The following ZFHX4 variants were observed in gnomAD, a reference collection of about 807,000 sequenced individuals.
ZFHX4 encodes the protein zinc finger homeobox 4.
A neutral mutation model predicts 267.6 loss-of-function variants in ZFHX4; 56 were observed. That is an observed-to-expected ratio of 0.21 (90% CI 0.17 to 0.26). The LOEUF (loss-of-function observed/expected upper bound fraction) is 0.26. ZFHX4 is among the 10% of genes least tolerant of loss of function. ZFHX4 has a pLI of 1.00. For missense variants in ZFHX4, 4,332 were observed against 4,420.0 expected (o/e 0.98, Z 0.56); for synonymous variants, 1,778 against 1,665.6 (o/e 1.07, Z -1.64).
intron 4 of ZFHX4, among the ~76,000 whole-genome samples, chr8:76,814,418 A>G (rs746844069): frequency 2.0e-5 from 3 of 152,094 alleles, no homozygotes; most frequent in Non-Finnish European, 4.4e-5. Flanking sequence ...TATCTAGGCT[A>G]TTTGTGCAAA....
In ZFHX4 at chr8:76,700,992, C is replaced by T. The variant is rs148119500; in HGVS notation, c.-46-3051C>T. Among the ~76,000 whole-genome samples, 181 of 152,156 alleles carry T rather than the reference C, an allele frequency of 1.2e-3. No homozygotes were observed. The Middle Eastern group carries it at 0.031, about 26-fold the overall frequency. On this transcript the variant is annotated intron_variant, in intron 1 of 10. Coordinates refer to ENST00000651372, the MANE Select transcript of ZFHX4 (RefSeq NM_024721.5). ...ATGGTTGTTTTTGTGGTCTTTTTTACTGGGACTTATAAAACTTTATCGTAA... is the reference window on the plus strand; with the variant it reads ...ATGGTTGTTTTTGTGGTCTTTTTTATTGGGACTTATAAAACTTTATCGTAA...
intron 5 of ZFHX4, among the ~76,000 whole-genome samples, chr8:76,836,322 C>T (rs933382350): frequency 6.6e-6 from 1 of 152,070 alleles, no homozygotes; most frequent in Non-Finnish European, 1.5e-5. Flanking sequence ...TTACTGAGCC[C>T]CAACCCAGAC....
chr8:76,863,549 C>T lies in ZFHX4; in HGVS notation c.9835C>T (p.Pro3279Ser). 2 of 1,613,740 alleles carry T rather than the reference C, an allele frequency of 1.2e-6. No individual in the cohort carries two copies. The highest frequency in any genetic ancestry group is 8.5e-7 in the Non-Finnish European group (1 of 1,179,804). ...GFASYFTPQLPGTVQGGYFPP... is the reference protein window; with the variant it reads ...GFASYFTPQLSGTVQGGYFPP... ...TGCTTCTTATTTTACACCTCAGCTC[C>T]CTGGAACAGTGCAGGGGGGATACTT... The change falls in exon 11 of 11, where the codon CCT becomes TCT. Residue 3279 changes from proline (P) to serine (S), a missense_variant. Around this residue, in one of 7 missense-constraint regions of ZFHX4, gnomAD observed 1,648 missense variants for 1,625.0 expected, o/e 1.01. Coordinates refer to ENST00000651372, the MANE Select transcript of ZFHX4 (RefSeq NM_024721.5).
intron 3 of ZFHX4, among the ~76,000 whole-genome samples, chr8:76,710,614 A>G (rs559859716): frequency 6.6e-6 from 1 of 152,326 alleles, no homozygotes; most frequent in South Asian, 2.1e-4. Flanking sequence ...ATCATTTTGC[A>G]TCATGAATTA....
intron 4 of ZFHX4, among the ~76,000 whole-genome samples, chr8:76,815,724 C>T (rs1269150617): frequency 6.6e-6 from 1 of 152,096 alleles, no homozygotes; most frequent in African/African-American, 2.4e-5. Context: ...TGTTCTTGAA[C>T]TACTGGGCTC....
At position 76,850,230 on chromosome 8, in the gene ZFHX4, C is replaced by G. The variant is rs761153397; in HGVS notation, c.3847-15C>G. 2.5e-6 allele frequency: 4 copies of G among 1,601,418 alleles called. No individual in the cohort carries two copies. Among genetic ancestry groups the G allele is most frequent in the Non-Finnish European group, 3.4e-6 (4 of 1,172,686 alleles). ...TCTGGGGTACATTTAACATAAACCC[C>G]TTTGGTTTCCAAAGGTGCCTGTCCC... On this transcript the variant is annotated splice_polypyrimidine_tract_variant and intron_variant, in intron 8 of 10. Transcript: ENST00000651372.
intron 3 of ZFHX4, among the ~76,000 whole-genome samples, chr8:76,725,222 A>G (rs1378144638): frequency 2.0e-5 from 3 of 152,122 alleles, no homozygotes; most frequent in Non-Finnish European, 4.4e-5. Flanking sequence ...TAAATATGGT[A>G]CACAATCTTA....
At chr8:76,766,037 C>T (rs1372038911) in intron 3 of ZFHX4, among the ~76,000 whole-genome samples, 1 of 151,856 alleles carries the variant, frequency 6.6e-6, no homozygotes, top group Non-Finnish European at 1.5e-5. Context: ...ATCTAATATC[C>T]TTCGGTGATA....
At chr8:76,683,666 G>A (rs995210992) in intron 1 of ZFHX4, 2 of 151,482 alleles carry the variant, frequency 1.3e-5, no homozygotes, top group African/African-American at 2.4e-5. Context: ...GAGAGAGAGA[G>A]AGAGAGAGGG....
chr8:76,817,211 TAAAAG>T (rs1197109722), intron 4 of ZFHX4, among the ~76,000 whole-genome samples: 1 of 152,106 alleles, frequency 6.6e-6, no homozygotes, highest in East Asian at 1.9e-4. Context: ...TTCCTGTGCT[TAAAAG>T]AAATAAAATC....
At chr8:76,825,275 C>T (rs985100137) in intron 4 of ZFHX4, among the ~76,000 whole-genome samples, 1 of 152,128 alleles carries the variant, frequency 6.6e-6, no homozygotes, top group Non-Finnish European at 1.5e-5. Context: ...TCCTTAATAC[C>T]ATCCTGCAAA....
intron 1 of ZFHX4, among the ~76,000 whole-genome samples, chr8:76,703,220 T>C (rs1268517488): frequency 2.6e-5 from 4 of 152,044 alleles, no homozygotes; most frequent in African/African-American, 7.2e-5. Flanking sequence ...GAGGCAGTGG[T>C]TGAGAGATGG....
intron 5 of ZFHX4, among the ~76,000 whole-genome samples, chr8:76,834,644 A>G (rs770674477): frequency 6.6e-6 from 1 of 152,100 alleles, no homozygotes; most frequent in African/African-American, 2.4e-5. Context: ...ATTTCAGATG[A>G]CAGTCTTTAT....
chr8:76,770,063 A>T (rs1012338311), intron 3 of ZFHX4, among the ~76,000 whole-genome samples: 3 of 152,196 alleles, frequency 2.0e-5, no homozygotes, highest in Non-Finnish European at 2.9e-5. Flanking sequence ...TCCACCAGGC[A>T]AATGGGAATT....
At chr8:76,842,549 C>T in intron 5 of ZFHX4, 106 bp from the exon 6 acceptor site, 1 of 711,124 alleles carries the variant, frequency 1.4e-6, no homozygotes, top group Non-Finnish European at 2.3e-6. Flanking sequence ...TGAATATCTG[C>T]AGATGATTCA....
chr8:76,793,108 A>C (rs1810882470), intron 4 of ZFHX4, among the ~76,000 whole-genome samples: 1 of 152,178 alleles, frequency 6.6e-6, no homozygotes, highest in Non-Finnish European at 1.5e-5. Context: ...GTAACCATAC[A>C]ATAACAATGG....
intron 1 of ZFHX4, among the ~76,000 whole-genome samples, chr8:76,683,628 G>C (rs945968682): frequency 1.3e-4 from 19 of 145,866 alleles, no homozygotes; most frequent in Admixed American, 1.0e-3. Context: ...AGAGAGGAGA[G>C]AGGAAGAGAG....
intron 3 of ZFHX4, among the ~76,000 whole-genome samples, chr8:76,738,233 C>T (rs1297278454): frequency 6.6e-6 from 1 of 152,038 alleles, no homozygotes; most frequent in East Asian, 1.9e-4. Context: ...CCCTAGGTGC[C>T]CCCATTAAGA....
chr8:76,695,894 G>C (rs1807942856), intron 1 of ZFHX4, among the ~76,000 whole-genome samples: 1 of 152,158 alleles, frequency 6.6e-6, no homozygotes, highest in Non-Finnish European at 1.5e-5. Flanking sequence ...ACTATTGTCT[G>C]TTTGCACTTA....
Sources: gnomAD v4.1 joint callset for allele counts (sites outside exome capture counted in the v4.1 genomes callset) on GRCh38, gnomAD v4.1.1 for gene constraint, gnomAD v4.1.1 regional missense constraint, MANE v1.5 for transcripts, NCBI Gene and HGNC (gene_info 2026-07-23, HGNC 2026-07-21) for gene names.